Variants in EMP2 observed in about 807,000 individuals in gnomAD.
EMP2 encodes epithelial membrane protein 2.
Under a neutral mutation model 13.7 loss-of-function variants are expected in EMP2, and 19 were observed. That is an observed-to-expected ratio of 1.38 (90% CI 0.97 to 2.03). The LOEUF (loss-of-function observed/expected upper bound fraction) is 2.03, where lower values mean the gene tolerates loss of function less well. Ranked by LOEUF, EMP2 falls within the 30% of genes most tolerant of loss-of-function variation. The probability of loss-of-function intolerance (pLI) is 0.00; values close to 1 mark genes in which losing one functional copy is unlikely to be tolerated. For missense variants in EMP2, 253 were observed against 220.7 expected (o/e 1.15, Z -0.93); for synonymous variants, 97 against 84.7 (o/e 1.15, Z -0.80).
Position 10,562,378 on chromosome 16 carries a change from C to CTCTCTCTA in EMP2, c.-60-14702_-60-14701insTAGAGAGA, listed in dbSNP as rs1312547668. Reference sequence around the variant, plus strand: ...TCTCTCTCTCTCTCTCTCTCTCTCTCTCTATCTATCTCTCTCTCTCTATCT... The same window carrying CTCTCTCTA: ...TCTCTCTCTCTCTCTCTCTCTCTCTCTCTCTCTATCTATCTATCTCTCTCTCTCTATCT... On this transcript the variant is annotated intron_variant, in intron 1 of 4. Coordinates refer to ENST00000359543, the MANE Select transcript of EMP2 (RefSeq NM_001424.6). Among the ~76,000 whole-genome samples the CTCTCTCTA allele has an allele frequency of 6.9e-3, 932 of 134,974 alleles. 2 individuals are homozygous for CTCTCTCTA. The highest frequency in any genetic ancestry group is 0.023 in the Middle Eastern group (6 of 262). 88.5% of individuals were successfully genotyped at this position (134,974 alleles called of 152,430 possible). A position where few individuals can be genotyped will look rare whatever the true frequency, so the allele number is the denominator to read the frequency against.
At chr16:10,553,348 G>A (rs1387658595) in intron 1 of EMP2, among the ~76,000 whole-genome samples, 1 of 152,206 alleles carries the variant, frequency 6.6e-6, no homozygotes, top group Non-Finnish European at 1.5e-5. Context: ...TGTGGCGGTA[G>A]CCGTACCAGA....
chr16:10,563,704 G>A (rs1307095007), intron 1 of EMP2, among the ~76,000 whole-genome samples: 2 of 152,202 alleles, frequency 1.3e-5, no homozygotes, highest in African/African-American at 4.8e-5. Context: ...AGTGAAATGA[G>A]GTAAGAGCAC....
intron 3 of EMP2, among the ~76,000 whole-genome samples, chr16:10,542,816 C>A (rs902403403): frequency 6.6e-6 from 1 of 152,172 alleles, no homozygotes; most frequent in Admixed American, 6.5e-5. Context: ...CAAGGCTACA[C>A]AGCTTGTCTA....
At chr16:10,543,980 C>G (rs1311994664) in intron 2 of EMP2, among the ~76,000 whole-genome samples, 1 of 152,130 alleles carries the variant, frequency 6.6e-6, no homozygotes, top group Non-Finnish European at 1.5e-5. Flanking sequence ...CCACCTCAGC[C>G]TCCTGAGTAT....
chr16:10,563,751 A>G (rs1010872407), intron 1 of EMP2, among the ~76,000 whole-genome samples: 32 of 152,242 alleles, frequency 2.1e-4, no homozygotes, highest in African/African-American at 7.7e-4. Flanking sequence ...TAGACTAGCA[A>G]CCACTCAGTG....
At chr16:10,549,864 T>C (rs1349352301) in intron 1 of EMP2, among the ~76,000 whole-genome samples, 1 of 150,156 alleles carries the variant, frequency 6.7e-6, no homozygotes, top group Admixed American at 6.6e-5. Context: ...TTTCTTTTCT[T>C]TTCTTTTTTT....
intron 3 of EMP2, 111 bp downstream of exon 3, chr16:10,543,459 G>A: frequency 8.1e-7 from 1 of 1,232,682 alleles, no homozygotes; most frequent in Non-Finnish European, 1.2e-6. Context: ...GCCCACCGGA[G>A]TATGCAGTGA....
intron 3 of EMP2, 36 bp downstream of exon 3, chr16:10,543,533 CA>C (rs1277022814): frequency 6.2e-7 from 1 of 1,606,708 alleles, no homozygotes; most frequent in African/African-American, 1.3e-5. Context: ...CTTCCTCCCT[CA>C]GTGCTTCTCA....
Position 10,549,729 on chromosome 16 carries a change from T to TCACACACACACACTCA in EMP2, c.-60-2053_-60-2052insTGAGTGTGTGTGTGTG, listed in dbSNP as rs2050769649. Among the ~76,000 whole-genome samples, 3 of 149,672 alleles carry TCACACACACACACTCA rather than the reference T, an allele frequency of 2.0e-5. No individual in the cohort carries two copies. The South Asian group carries it at 6.3e-4, about 31-fold the overall frequency. On this transcript the variant is annotated intron_variant, in intron 1 of 4. Coordinates refer to ENST00000359543, the MANE Select transcript of EMP2 (RefSeq NM_001424.6). ...GATTAATGCACGCACACACACACACTCACACACACACACACACACATACAC... is the reference window on the plus strand; with the variant it reads ...GATTAATGCACGCACACACACACACTCACACACACACACTCACACACACACACACACACACATACAC...
At chr16:10,537,644 T>G (rs1412375587) in intron 4 of EMP2, among the ~76,000 whole-genome samples, 1 of 152,022 alleles carries the variant, frequency 6.6e-6, no homozygotes. Context: ...CGACAGCGAC[T>G]CCTACTCACC....
At chr16:10,548,904 A>G (rs1374291791) in intron 1 of EMP2, among the ~76,000 whole-genome samples, 2 of 152,170 alleles carry the variant, frequency 1.3e-5, no homozygotes, top group Non-Finnish European at 2.9e-5. Context: ...GGAACTCATT[A>G]CTAATAGGCC....
intron 1 of EMP2, among the ~76,000 whole-genome samples, chr16:10,549,027 A>G (rs2050761535): frequency 6.6e-6 from 1 of 152,240 alleles, no homozygotes; most frequent in African/African-American, 2.4e-5. Flanking sequence ...GGGCTGATGC[A>G]GAAGAGAGCA....
intron 1 of EMP2, among the ~76,000 whole-genome samples, chr16:10,573,540 C>A (rs542760821): frequency 1.3e-5 from 2 of 152,310 alleles, no homozygotes; most frequent in South Asian, 2.1e-4. Flanking sequence ...TCTGACCCCC[C>A]ACAGCCAAAG....
At position 10,575,237 on chromosome 16, in the gene EMP2, C is replaced by CTTTTTTTTTTTTTTTTTTTTTTTT. The variant is rs761837614; in HGVS notation, c.-61+5288_-61+5311dup. On this transcript the variant is annotated intron_variant, in intron 1 of 4. Transcript: ENST00000359543. ...TGGCCTTGGTCCTGGAGCTTGCATT[C>CTTTTTTTTTTTTTTTTTTTTTTTT]TTTTTTTTTTTTTTTTTTTTTTTTT... 1.6e-3 allele frequency among the ~76,000 whole-genome samples: 82 copies of CTTTTTTTTTTTTTTTTTTTTTTTT among 52,482 alleles called. 15 individuals are homozygous for CTTTTTTTTTTTTTTTTTTTTTTTT. The highest frequency in any genetic ancestry group is 2.4e-3 in the Non-Finnish European group (66 of 27,430). 34.4% of individuals were successfully genotyped at this position (52,482 alleles called of 152,430 possible).
At chr16:10,558,143 C>G (rs897528349) in intron 1 of EMP2, among the ~76,000 whole-genome samples, 6 of 151,998 alleles carry the variant, frequency 3.9e-5, no homozygotes, top group African/African-American at 1.5e-4. Context: ...GATCCTCCTG[C>G]CTCAGCCTCC....
chr16:10,536,273 T>C (rs2050646478), intron 4 of EMP2, among the ~76,000 whole-genome samples: 1 of 152,156 alleles, frequency 6.6e-6, no homozygotes. Context: ...ATCTTATTAT[T>C]TTTTCAAGGA....
At chr16:10,539,575 C>T (rs1402256846) in intron 3 of EMP2, among the ~76,000 whole-genome samples, 2 of 152,000 alleles carry the variant, frequency 1.3e-5, no homozygotes, top group East Asian at 1.9e-4. Flanking sequence ...GAAGGGGGCC[C>T]GAGGAACTTT....
chr16:10,577,036 G>A (rs936104206), intron 1 of EMP2, among the ~76,000 whole-genome samples: 1 of 152,166 alleles, frequency 6.6e-6, no homozygotes, highest in Non-Finnish European at 1.5e-5. Context: ...CGTGCTATAA[G>A]GGTCCCAGGC....
chr16:10,561,405 G>C (rs1432994539), intron 1 of EMP2, among the ~76,000 whole-genome samples: 3 of 152,154 alleles, frequency 2.0e-5, no homozygotes, highest in Non-Finnish European at 2.9e-5. Context: ...ACTGGTAGAT[G>C]AGAAATCCTG....
Sources: gnomAD v4.1 joint callset for allele counts (sites outside exome capture counted in the v4.1 genomes callset) on GRCh38, gnomAD v4.1.1 for gene constraint, MANE v1.5 for transcripts, NCBI Gene and HGNC (gene_info 2026-07-23, HGNC 2026-07-21) for gene names.